The following RELN variants were observed in gnomAD, a reference collection of about 807,000 sequenced individuals.
RELN encodes reelin.
In RELN, 108 loss-of-function variants were observed where a neutral mutation model predicts 427.6. That is an observed-to-expected ratio of 0.25 (90% confidence interval 0.22 to 0.30). RELN has a LOEUF of 0.30. Ranked by LOEUF, RELN falls within the 10% of genes least tolerant of loss-of-function variation. The pLI is 1.00. For missense variants in RELN, 3,715 were observed against 4,302.8 expected, an observed-to-expected ratio of 0.86 and a Z score of 3.82; for synonymous variants, 1,524 against 1,513.4, an observed-to-expected ratio of 1.01 and a Z score of -0.16.
chr7:103,885,479 A>T lies in RELN; in HGVS notation c.337+31596T>A, dbSNP rs150882050. Among the ~76,000 whole-genome samples the T allele has an allele frequency of 4.0e-3, 606 of 152,312 alleles. 23 individuals are homozygous for T. The East Asian group carries it at 0.072, about 18-fold the overall frequency. On this transcript the variant is annotated intron_variant, in intron 2 of 64. Transcript: ENST00000428762. The stretch of plus-strand genomic sequence containing the variant: ...GGAAACCATCAGTCTCAGCAAACTA[A>T]CACAGGAACAGAAAAACCAAACACC...
chr7:103,490,541 G>A, intron 59 of RELN, 127 bp downstream of exon 59: 1 of 994,764 alleles, frequency 1.0e-6, no homozygotes, highest in Non-Finnish European at 1.6e-6. Flanking sequence ...AAGGAGGGAA[G>A]ATGGGAGAGG....
chr7:103,710,461 A>G (rs1431871029), intron 8 of RELN, among the ~76,000 whole-genome samples: 1 of 152,252 alleles, frequency 6.6e-6, no homozygotes, highest in Non-Finnish European at 1.5e-5. Flanking sequence ...TGATGCATCC[A>G]GCATCATGAC....
chr7:103,763,423 G>C (rs376133836), intron 4 of RELN, among the ~76,000 whole-genome samples: 1 of 152,086 alleles, frequency 6.6e-6, no homozygotes, highest in Non-Finnish European at 1.5e-5. Flanking sequence ...CTGGATCAAG[G>C]GATCCAAAGT....
chr7:103,506,126 G>C (rs1459353715), intron 51 of RELN, among the ~76,000 whole-genome samples: 2 of 152,226 alleles, frequency 1.3e-5, no homozygotes, highest in Non-Finnish European at 2.9e-5. Context: ...GTATCTGAAA[G>C]TGATGGGGAG....
At chr7:103,638,758 C>T (rs1490842367) in intron 17 of RELN, among the ~76,000 whole-genome samples, 6 of 152,038 alleles carry the variant, frequency 3.9e-5, no homozygotes, top group South Asian at 2.1e-4. Context: ...TATGACTATT[C>T]GGAATAATGG....
chr7:103,679,920 G>A (rs1833618193), intron 11 of RELN, among the ~76,000 whole-genome samples: 1 of 152,084 alleles, frequency 6.6e-6, no homozygotes, highest in African/African-American at 2.4e-5. Context: ...GGTTTTCCAT[G>A]TTTTTGTACC....
At chr7:103,762,418 C>T (rs998430836) in intron 4 of RELN, among the ~76,000 whole-genome samples, 5 of 152,228 alleles carry the variant, frequency 3.3e-5, no homozygotes, top group African/African-American at 1.2e-4. Context: ...GACACTCTAA[C>T]TACAATAGTT....
chr7:103,919,031 T>C (rs1335438055), intron 1 of RELN, among the ~76,000 whole-genome samples: 1 of 152,178 alleles, frequency 6.6e-6, no homozygotes. Flanking sequence ...AAAATGATAT[T>C]TGCCTTTGGA....
chr7:103,558,966 T>C (rs1373739366), intron 36 of RELN, among the ~76,000 whole-genome samples: 1 of 152,202 alleles, frequency 6.6e-6, no homozygotes. Context: ...ATATACATTA[T>C]AGATCACGTT....
chr7:103,919,672 C>T lies in RELN; in HGVS notation c.227-2487G>A, dbSNP rs373087166. ...CACCAGCTCTAATCTTTCCTCTGTG[C>T]CCTGACGACTTTCTTTCCTCTAATT... On this transcript the variant is annotated intron_variant, in intron 1 of 64. Coordinates refer to ENST00000428762, the MANE Select transcript of RELN (RefSeq NM_005045.4). Among the ~76,000 whole-genome samples the T allele has an allele frequency of 2.6e-5, 4 of 152,150 alleles. No homozygotes were observed. In the East Asian group the frequency reaches 7.7e-4, roughly 29 times the overall value.
intron 41 of RELN, among the ~76,000 whole-genome samples, chr7:103,548,283 T>G (rs887655991): frequency 6.6e-6 from 1 of 152,240 alleles, no homozygotes; most frequent in African/African-American, 2.4e-5. Context: ...TTTGTGTGTA[T>G]TTCGTGTCCA....
chr7:103,854,837 C>G (rs534819956), intron 2 of RELN, among the ~76,000 whole-genome samples: 26 of 152,280 alleles, frequency 1.7e-4, no homozygotes, highest in Middle Eastern at 3.4e-3. Flanking sequence ...TTCCGGATTT[C>G]TGCCAAAAAG....
intron 2 of RELN, among the ~76,000 whole-genome samples, chr7:103,846,094 T>C (rs1050621543): frequency 2.0e-5 from 3 of 152,138 alleles, no homozygotes; most frequent in African/African-American, 7.2e-5. Flanking sequence ...AAATTTCATA[T>C]GGAACAAAAA....
intron 4 of RELN, among the ~76,000 whole-genome samples, chr7:103,760,957 T>C (rs1397884804): frequency 6.6e-6 from 1 of 151,984 alleles, no homozygotes; most frequent in Non-Finnish European, 1.5e-5. Flanking sequence ...GTATGATAAT[T>C]AAGCTTCCAA....
At chr7:103,983,384 T>C (rs1213149442) in intron 1 of RELN, among the ~76,000 whole-genome samples, 2 of 152,224 alleles carry the variant, frequency 1.3e-5, no homozygotes, top group Non-Finnish European at 2.9e-5. Context: ...GTGACTGTGG[T>C]GAAAATTACT....
intron 1 of RELN, among the ~76,000 whole-genome samples, chr7:103,919,433 G>T (rs1017625617): frequency 6.6e-6 from 1 of 152,032 alleles, no homozygotes; most frequent in Non-Finnish European, 1.5e-5. Flanking sequence ...TCTATGTCAG[G>T]AACACCCTTC....
At chr7:103,879,989 G>A (rs923287914) in intron 2 of RELN, among the ~76,000 whole-genome samples, 1 of 151,648 alleles carries the variant, frequency 6.6e-6, no homozygotes, top group African/African-American at 2.4e-5. Context: ...CACAAAAACT[G>A]CTTGTAAGCA....
chr7:103,601,263 G>A (rs1462793984), intron 24 of RELN, among the ~76,000 whole-genome samples: 1 of 152,100 alleles, frequency 6.6e-6, no homozygotes, highest in African/African-American at 2.4e-5. Context: ...TATGTGCAAT[G>A]CATTTTGATA....
chr7:103,924,985 TAC>T (rs1228074490), intron 1 of RELN, among the ~76,000 whole-genome samples: 25 of 137,540 alleles, frequency 1.8e-4, no homozygotes, highest in Non-Finnish European at 9.4e-5. Context: ...TGCATGCGCA[TAC>T]ACATACACAC....
Sources: allele counts gnomAD v4.1 joint callset (sites outside exome capture counted in the v4.1 genomes callset), GRCh38; gene constraint gnomAD v4.1.1; transcripts MANE v1.5; gene names NCBI Gene and HGNC (gene_info 2026-07-23, HGNC 2026-07-21).